The following PTPRM variants were observed in gnomAD, a reference collection of about 807,000 sequenced individuals.
PTPRM encodes protein tyrosine phosphatase receptor type M, also known as receptor-type tyrosine-protein phosphatase mu.
In PTPRM, 47 loss-of-function variants were observed where a neutral mutation model predicts 186.7. The ratio of observed to expected loss-of-function variants is 0.25; its 90% CI spans 0.20 to 0.32. The LOEUF is 0.32. Ranked by LOEUF, PTPRM falls within the 10% of genes least tolerant of loss-of-function variation. The pLI is 1.00. For missense variants in PTPRM, 1,494 were observed against 1,865.0 expected, an observed-to-expected ratio of 0.80 and a Z score of 3.66; for synonymous variants, 668 against 674.9, an observed-to-expected ratio of 0.99 and a Z score of 0.16.
In PTPRM at chr18:7,866,439, T is replaced by TA. The variant is rs1458393943; in HGVS notation, c.197-21666dup. On this transcript the variant is annotated intron_variant, in intron 2 of 32. Coordinates refer to ENST00000580170, the MANE Select transcript of PTPRM (RefSeq NM_001105244.2). ...TTACTTATTTCTGCTTTAATTTTGTTATTTACCCAGTAGCCATTCAGGCGC... is the reference window on the plus strand; with the variant it reads ...TTACTTATTTCTGCTTTAATTTTGTTAATTTACCCAGTAGCCATTCAGGCGC... Among the ~76,000 whole-genome samples the TA allele has an allele frequency of 3.3e-5, 5 of 152,238 alleles. No individual in the cohort carries two copies. The East Asian group carries it at 9.6e-4, about 29-fold the overall frequency.
At chr18:8,129,788 A>G (rs147347643) in intron 13 of PTPRM, among the ~76,000 whole-genome samples, 4 of 152,320 alleles carry the variant, frequency 2.6e-5, no homozygotes, top group African/African-American at 4.8e-5. Flanking sequence ...GAGGCAACAG[A>G]TCAAGAAAAT....
At chr18:7,818,151 T>C (rs988704348) in intron 2 of PTPRM, among the ~76,000 whole-genome samples, 7 of 152,224 alleles carry the variant, frequency 4.6e-5, no homozygotes, top group Non-Finnish European at 1.0e-4. Context: ...TGTCACTTAA[T>C]TTCTAGGGAA....
chr18:8,386,670 G>A (rs2095776333), intron 30 of PTPRM, among the ~76,000 whole-genome samples: 1 of 152,180 alleles, frequency 6.6e-6, no homozygotes, highest in Non-Finnish European at 1.5e-5. Context: ...CTCACAGGAA[G>A]CAGTGTTCTC....
At chr18:8,175,970 CTCT>C (rs2093474246) in intron 14 of PTPRM, among the ~76,000 whole-genome samples, 1 of 152,166 alleles carries the variant, frequency 6.6e-6, no homozygotes, top group African/African-American at 2.4e-5. Context: ...CAAGCATGTG[CTCT>C]TCTTATGACT....
chr18:7,586,889 C>A lies in PTPRM; in HGVS notation c.73+18998C>A, dbSNP rs1017689869. On this transcript the variant is annotated intron_variant, in intron 1 of 32. Coordinates refer to ENST00000580170, the MANE Select transcript of PTPRM (RefSeq NM_001105244.2). ...AAGTACCAAAGGGATTCGATACCCT[C>A]CATTGTCCATTTAAAAATATATGAA... Among the ~76,000 whole-genome samples the A allele has an allele frequency of 6.6e-5, 10 of 152,202 alleles. No homozygotes were observed. The East Asian group carries it at 9.6e-4, about 15-fold the overall frequency.
At chr18:7,821,539 C>T (rs1370982232) in intron 2 of PTPRM, among the ~76,000 whole-genome samples, 6 of 151,948 alleles carry the variant, frequency 3.9e-5, no homozygotes, top group African/African-American at 7.3e-5. Flanking sequence ...AGGCAAGTAC[C>T]GAATCCTATA....
chr18:7,755,387 A>G (rs903946165), intron 1 of PTPRM: 1 of 152,194 alleles, frequency 6.6e-6, no homozygotes, highest in African/African-American at 2.4e-5. Flanking sequence ...GAGGAGGAAG[A>G]CCAGAAATGA....
Position 8,273,346 on chromosome 18 carries a change from G to A in PTPRM, c.2754+19932G>A, listed in dbSNP as rs185378913. ...ATCTGTAATTTACTTTGATTCTATA[G>A]ATCTCTCTAGTCTTGATCTTTATGT... On this transcript the variant is annotated intron_variant, in intron 19 of 32. Coordinates refer to ENST00000580170, the MANE Select transcript of PTPRM (RefSeq NM_001105244.2). Among the ~76,000 whole-genome samples the A allele has an allele frequency of 1.5e-4, 23 of 152,190 alleles. 1 individual carries two copies. In the East Asian group the frequency reaches 4.4e-3, roughly 29 times the overall value.
chr18:8,015,105 TAGCAAGA>T (rs1402121437), intron 7 of PTPRM, among the ~76,000 whole-genome samples: 1 of 152,122 alleles, frequency 6.6e-6, no homozygotes, highest in African/African-American at 2.4e-5. Flanking sequence ...GACTCAGTCA[TAGCAAGA>T]AAGGGCATCT....
intron 7 of PTPRM, among the ~76,000 whole-genome samples, chr18:8,051,571 A>G (rs1158630600): frequency 6.6e-6 from 1 of 152,048 alleles, no homozygotes; most frequent in African/African-American, 2.4e-5. Flanking sequence ...TTCCTTTTGC[A>G]TGTTTTTCAG....
At chr18:7,711,641 T>TG (rs1255047048) in intron 1 of PTPRM, among the ~76,000 whole-genome samples, 1 of 152,048 alleles carries the variant, frequency 6.6e-6, no homozygotes. Context: ...CTGGACTTGG[T>TG]GGGGGGAGTG....
At chr18:8,130,052 A>G (rs921050540) in intron 13 of PTPRM, among the ~76,000 whole-genome samples, 30 of 152,268 alleles carry the variant, frequency 2.0e-4, no homozygotes, top group African/African-American at 7.0e-4. Context: ...CTAAGATTCT[A>G]TCATGTTAAA....
At position 8,276,178 on chromosome 18, in the gene PTPRM, T is replaced by C. The variant is rs576485793; in HGVS notation, c.2755-20190T>C. On this transcript the variant is annotated intron_variant, in intron 19 of 32. Coordinates refer to ENST00000580170, the MANE Select transcript of PTPRM (RefSeq NM_001105244.2). The stretch of plus-strand genomic sequence containing the variant: ...CACCCAACCCATCCATCCCTCACTG[T>C]TTTCTCCTTTCTCTAAACTTTCACA... Among the ~76,000 whole-genome samples, 41 of 152,160 alleles carry C rather than the reference T, an allele frequency of 2.7e-4. 1 individual carries two copies. The South Asian group carries it at 8.5e-3, about 32-fold the overall frequency.
At chr18:7,994,755 A>G (rs926725995) in intron 7 of PTPRM, among the ~76,000 whole-genome samples, 5 of 152,168 alleles carry the variant, frequency 3.3e-5, no homozygotes, top group Non-Finnish European at 7.3e-5. Context: ...TGAAGAAGGA[A>G]ATAAAAAAAT....
chr18:8,040,907 G>A (rs1011198819), intron 7 of PTPRM, among the ~76,000 whole-genome samples: 2 of 152,118 alleles, frequency 1.3e-5, no homozygotes, highest in African/African-American at 4.8e-5. Flanking sequence ...CTGCTATTTA[G>A]CCATGCAGCA....
rs534186714 is a variant in PTPRM, at chr18:8,363,204, T to C, written c.3055-7686T>C. Among the ~76,000 whole-genome samples, 88 of 152,318 alleles carry C rather than the reference T, an allele frequency of 5.8e-4. 2 individuals are homozygous for C. In the South Asian group the frequency reaches 0.018, roughly 30 times the overall value. On this transcript the variant is annotated intron_variant, in intron 23 of 32. Coordinates refer to ENST00000580170, the MANE Select transcript of PTPRM (RefSeq NM_001105244.2). ...CCTATCTCTTAATCTCTCCCAGCTT[T>C]ACGTTATGTGTTTGTAAAATAAGGA... is the stretch of plus-strand genomic sequence containing the variant.
chr18:8,386,605 A>G (rs607017), intron 30 of PTPRM, among the ~76,000 whole-genome samples: 38,411 of 152,210 alleles, frequency 0.25, 5,628 homozygotes, highest in Non-Finnish European at 0.33. Context: ...CTAAGGATTA[A>G]TTAACTATTG....
At chr18:7,826,430 G>T (rs1455773604) in intron 2 of PTPRM, among the ~76,000 whole-genome samples, 1 of 152,174 alleles carries the variant, frequency 6.6e-6, no homozygotes, top group African/African-American at 2.4e-5. Context: ...AATGAAGAAT[G>T]GCTGACTTAT....
At chr18:8,209,624 G>A (rs1324980730) in intron 14 of PTPRM, among the ~76,000 whole-genome samples, 4 of 152,082 alleles carry the variant, frequency 2.6e-5, no homozygotes, top group East Asian at 1.9e-4. Context: ...CAGTACCTCC[G>A]AAGGTGACCT....
Sources: allele counts gnomAD v4.1 joint callset (sites outside exome capture counted in the v4.1 genomes callset), GRCh38; gene constraint gnomAD v4.1.1; transcripts MANE v1.5; gene names NCBI Gene and HGNC (gene_info 2026-07-23, HGNC 2026-07-21).